CDH18: variants seen among roughly 807,000 people sequenced by gnomAD.
The protein encoded by CDH18 is cadherin 18, also known as cadherin-18.
CDH18 carries 31 observed loss-of-function variants against 67.9 expected under a neutral mutation model. The observed-to-expected ratio is 0.46, with a 90% CI of 0.34 to 0.62. The LOEUF is 0.62. Among genes scored for constraint, CDH18 ranks in the 20% least tolerant of loss-of-function variants. CDH18 has a pLI of 0.01. For synonymous variants in CDH18, 362 were observed against 347.2 expected (o/e 1.04, Z -0.48); for missense variants, 890 against 975.5 (o/e 0.91, Z 1.17).
chr5:19,863,628 A>G (rs1204241857), intron 2 of CDH18, among the ~76,000 whole-genome samples: 1 of 152,152 alleles, frequency 6.6e-6, no homozygotes, highest in Non-Finnish European at 1.5e-5. Flanking sequence ...AGAAACTGCA[A>G]TAATAGAACA....
intron 9 of CDH18, among the ~76,000 whole-genome samples, chr5:19,532,379 A>G (rs1030971073): frequency 6.6e-5 from 10 of 152,188 alleles, no homozygotes; most frequent in Non-Finnish European, 2.9e-5. Context: ...GAAGTACCTT[A>G]TACATAATTT....
chr5:19,477,664 CA>C (rs1273513496), intron 12 of CDH18, among the ~76,000 whole-genome samples: 2 of 151,820 alleles, frequency 1.3e-5, no homozygotes, highest in Non-Finnish European at 2.9e-5. Context: ...TAAATAGAGT[CA>C]AATCCTTATT....
At chr5:20,432,828 T>G (rs914239964) in intron 1 of CDH18, among the ~76,000 whole-genome samples, 1 of 151,508 alleles carries the variant, frequency 6.6e-6, no homozygotes, top group Non-Finnish European at 1.5e-5. Context: ...ATTTCCAACA[T>G]GTAAATTGGG....
chr5:20,394,089 C>T (rs901946533), intron 1 of CDH18, among the ~76,000 whole-genome samples: 1 of 151,802 alleles, frequency 6.6e-6, no homozygotes, highest in Non-Finnish European at 1.5e-5. Flanking sequence ...CCCAAAAGTA[C>T]CTGAATAGCC....
intron 2 of CDH18, among the ~76,000 whole-genome samples, chr5:20,072,772 C>T (rs1376465235): frequency 6.6e-6 from 1 of 151,578 alleles, no homozygotes; most frequent in East Asian, 1.9e-4. Flanking sequence ...CTATGGTAAA[C>T]TGGAACTTTG....
chr5:20,489,142 T>A (rs556207259), intron 1 of CDH18, among the ~76,000 whole-genome samples: 90 of 152,166 alleles, frequency 5.9e-4, no homozygotes, highest in South Asian at 8.3e-4. Context: ...ATATGTATCA[T>A]TCACTATACC....
chr5:19,645,836 A>G (rs752719529), intron 5 of CDH18, among the ~76,000 whole-genome samples: 3 of 152,184 alleles, frequency 2.0e-5, no homozygotes, highest in Non-Finnish European at 2.9e-5. Flanking sequence ...TGAAAATCTT[A>G]AAGTAGCAGG....
intron 2 of CDH18, among the ~76,000 whole-genome samples, chr5:20,242,640 A>ACATG (rs1561906123): frequency 6.5e-5 from 9 of 138,026 alleles, no homozygotes; most frequent in African/African-American, 1.4e-4. Context: ...ATATGTATAT[A>ACATG]TATATATATA....
At chr5:20,367,609 T>C (rs1742632788) in intron 1 of CDH18, among the ~76,000 whole-genome samples, 1 of 152,172 alleles carries the variant, frequency 6.6e-6, no homozygotes, top group Admixed American at 6.5e-5. Context: ...CACAAACAAG[T>C]CTTATACTCT....
At position 19,663,933 on chromosome 5, in the gene CDH18, T is replaced by C. The variant is rs548605103; in HGVS notation, c.644-51332A>G. 2.6e-5 allele frequency among the ~76,000 whole-genome samples: 4 copies of C among 151,788 alleles called. No homozygotes were observed. In the South Asian group the frequency reaches 8.3e-4, roughly 32 times the overall value. On this transcript the variant is annotated intron_variant, in intron 5 of 12. Transcript: ENST00000382275. ...TAAGTTACACATGTAGTTTAGGAAA[T>C]TGTTAAGAGGAAAAAAGTTTAAATA...
chr5:20,300,569 C>T (rs986593165), intron 1 of CDH18, among the ~76,000 whole-genome samples: 4 of 151,986 alleles, frequency 2.6e-5, no homozygotes, highest in Non-Finnish European at 5.9e-5. Flanking sequence ...ATGTAGCCCC[C>T]GGGTGTTGAG....
intron 1 of CDH18, among the ~76,000 whole-genome samples, chr5:20,424,263 G>A (rs1748099608): frequency 6.6e-6 from 1 of 150,790 alleles, no homozygotes; most frequent in East Asian, 1.9e-4. Context: ...AAGTTTCTGT[G>A]AAAAAAATCT....
At chr5:19,791,356 A>AACACACACACACACAC (rs58429751) in intron 3 of CDH18, among the ~76,000 whole-genome samples, 1,703 of 141,576 alleles carry the variant, frequency 0.012, 20 homozygotes, top group African/African-American at 0.024. Flanking sequence ...TCGACTTTTA[A>AACACACACACACACAC]ACACACACAC....
intron 2 of CDH18, among the ~76,000 whole-genome samples, chr5:20,174,838 A>G (rs947091361): frequency 3.3e-5 from 5 of 152,228 alleles, no homozygotes; most frequent in Admixed American, 2.6e-4. Flanking sequence ...AAGCTTAGAG[A>G]CGGTTTTCAT....
At chr5:20,118,280 C>T (rs1215256597) in intron 2 of CDH18, among the ~76,000 whole-genome samples, 1 of 152,036 alleles carries the variant, frequency 6.6e-6, no homozygotes, top group African/African-American at 2.4e-5. Flanking sequence ...TAAGAGGTAA[C>T]TTTTAAAAAT....
intron 2 of CDH18, among the ~76,000 whole-genome samples, chr5:20,009,355 C>T (rs533251519): frequency 6.6e-6 from 1 of 152,150 alleles, no homozygotes; most frequent in African/African-American, 2.4e-5. Flanking sequence ...CTGGAAGATG[C>T]ATTCTAAAAT....
intron 2 of CDH18, among the ~76,000 whole-genome samples, chr5:20,149,173 G>C (rs1750904238): frequency 6.6e-6 from 1 of 151,976 alleles, no homozygotes; most frequent in Admixed American, 6.6e-5. Flanking sequence ...ACTTCCTCTA[G>C]TAATCAATTT....
intron 2 of CDH18, among the ~76,000 whole-genome samples, chr5:20,210,900 T>A (rs1740301561): frequency 6.6e-6 from 1 of 152,058 alleles, no homozygotes; most frequent in African/African-American, 2.4e-5. Context: ...TTGTAAACCA[T>A]ATTTATTGAT....
At chr5:20,157,748 T>C (rs1751647657) in intron 2 of CDH18, among the ~76,000 whole-genome samples, 1 of 151,980 alleles carries the variant, frequency 6.6e-6, no homozygotes, top group East Asian at 1.9e-4. Flanking sequence ...ATTCAAGTGA[T>C]TCTCCTGCCC....
Sources: allele counts gnomAD v4.1 joint callset (sites outside exome capture counted in the v4.1 genomes callset), GRCh38; gene constraint gnomAD v4.1.1; transcripts MANE v1.5; gene names NCBI Gene and HGNC (gene_info 2026-07-23, HGNC 2026-07-21).